Variants in ZNF517 observed in about 807,000 individuals in gnomAD.
The protein encoded by ZNF517 is zinc finger protein 517.
Under a neutral mutation model 12.1 loss-of-function variants are expected in ZNF517, and 12 were observed. That is an observed-to-expected ratio of 0.99 (90% CI 0.63 to 1.61). ZNF517 has a LOEUF of 1.61. Among genes scored for constraint, ZNF517 ranks in the 40% most tolerant of loss-of-function variants. The pLI is 0.00. For missense variants in ZNF517, 781 were observed against 693.2 expected (o/e 1.13, Z -1.42); for synonymous variants, 388 against 310.2 (o/e 1.25, Z -2.63).
chr8:144,800,779 G>A, intron 1 of ZNF517: 1 of 778,502 alleles, frequency 1.3e-6, no homozygotes, highest in Non-Finnish European at 1.6e-6. Context: ...AAAGGGCTCT[G>A]CTGCCAAATG....
chr8:144,800,268 C>T (rs1335738298), intron 1 of ZNF517, among the ~76,000 whole-genome samples: 2 of 152,180 alleles, frequency 1.3e-5, no homozygotes, highest in Non-Finnish European at 2.9e-5. Flanking sequence ...GTCATCATAT[C>T]ACTGCTCCAT....
rs2130464029 is a variant in ZNF517 at position 144,808,458 on chromosome 8, G to A, written c.*63G>A. 5 of 1,421,412 alleles carry A rather than the reference G, an allele frequency of 3.5e-6. No homozygotes were observed. The highest frequency in any genetic ancestry group is 4.6e-6 in the Non-Finnish European group (5 of 1,087,734). 88.0% of individuals were successfully genotyped at this position (1,421,412 alleles called of 1,614,324 possible). A position where few individuals can be genotyped will look rare whatever the true frequency, so the allele number is the denominator to read the frequency against. ...CCACCCAAGCCGGCGGGGCCCTAGCGCAGAAATTCAGAACCCCCTGTCCTG... is the reference window on the plus strand; with the variant it reads ...CCACCCAAGCCGGCGGGGCCCTAGCACAGAAATTCAGAACCCCCTGTCCTG... On this transcript the variant is annotated 3_prime_UTR_variant, in exon 5 of 5. Coordinates refer to ENST00000359971, the MANE Select transcript of ZNF517 (RefSeq NM_213605.3).
intron 4 of ZNF517, among the ~76,000 whole-genome samples, chr8:144,805,660 C>G (rs1291352781): frequency 7.6e-6 from 1 of 131,458 alleles, no homozygotes; most frequent in Non-Finnish European, 1.6e-5. Flanking sequence ...GAGTCTCGCA[C>G]TTTGGCCCAG....
chr8:144,800,587 G>C, intron 1 of ZNF517: 2 of 985,332 alleles, frequency 2.0e-6, no homozygotes, highest in Non-Finnish European at 1.2e-6. Flanking sequence ...CAACACGTGT[G>C]GCCATCGCAG....
Position 144,808,656 on chromosome 8 carries a change from G to C in ZNF517, c.*261G>C. ...CGGAAATGTCCAGGAGCGGGCAGAA[G>C]GGAGAGAGGGAGGGGCAGCTATGCT... On this transcript the variant is annotated 3_prime_UTR_variant, in exon 5 of 5. Transcript: ENST00000359971. The C allele has an allele frequency of 2.5e-6, 1 of 396,212 alleles. No homozygotes were observed. Among genetic ancestry groups the C allele is most frequent in the East Asian group, 4.2e-5 (1 of 23,716 alleles). 24.5% of individuals were successfully genotyped at this position (396,212 alleles called of 1,614,324 possible). A position where few individuals can be genotyped will look rare whatever the true frequency, so the allele number is the denominator to read the frequency against.
intron 1 of ZNF517, among the ~76,000 whole-genome samples, chr8:144,800,025 C>T (rs532644824): frequency 2.6e-5 from 4 of 152,330 alleles, no homozygotes; most frequent in East Asian, 3.9e-4. Context: ...TGAGGAGAAA[C>T]TCCCAGGCGG....
At chr8:144,802,765 G>C in intron 1 of ZNF517, 105 bp from the exon 2 acceptor site, 1 of 1,525,088 alleles carries the variant, frequency 6.6e-7, no homozygotes, top group South Asian at 1.3e-5. Context: ...GATTGCCCTA[G>C]CACTTTACCC....
intron 2 of ZNF517, 187 bp downstream of exon 2, chr8:144,803,134 G>T (rs1827049675): frequency 1.3e-6 from 1 of 752,030 alleles, no homozygotes; most frequent in African/African-American, 1.8e-5. Flanking sequence ...AATCCTTCCA[G>T]CCTTTGGGCA....
At chr8:144,807,137 C>A (rs1346728137) in intron 4 of ZNF517, 54 bp from the exon 5 acceptor site, 21 of 1,500,532 alleles carry the variant, frequency 1.4e-5, no homozygotes, top group South Asian at 4.1e-5. Flanking sequence ...ACAAGAAGTT[C>A]GTTTGTGAGT....
At chr8:144,802,636 AATGGTGGTC>A in intron 1 of ZNF517, 1 of 431,866 alleles carries the variant, frequency 2.3e-6, no homozygotes, top group Non-Finnish European at 3.1e-6. Flanking sequence ...CAGTTTAAAA[AATGGTGGTC>A]ACAGAAGGCC....
chr8:144,802,619 G>T (rs113812027), intron 1 of ZNF517, among the ~76,000 whole-genome samples: 6,006 of 152,274 alleles, frequency 0.039, 360 homozygotes, highest in African/African-American at 0.13. Flanking sequence ...GGCAGGAGGG[G>T]AGGTGGCAGT....
At chr8:144,801,877 T>C (rs932805292) in intron 1 of ZNF517, among the ~76,000 whole-genome samples, 7 of 151,782 alleles carry the variant, frequency 4.6e-5, no homozygotes, top group African/African-American at 7.3e-5. Context: ...ATAAAAACTT[T>C]TAAAAATTAG....
intron 1 of ZNF517, among the ~76,000 whole-genome samples, chr8:144,801,658 T>C (rs1826967805): frequency 6.6e-6 from 1 of 152,176 alleles, no homozygotes; most frequent in Non-Finnish European, 1.5e-5. Context: ...TTTGTATTTT[T>C]AGTGGAGATG....
chr8:144,810,638 G>A (rs1341010603), downstream of ZNF517: 3 of 177,190 alleles, frequency 1.7e-5, no homozygotes, highest in Admixed American at 1.3e-4. Context: ...ACCTGGGGCA[G>A]CTGCCCACAT....
rs746664750 is a variant in ZNF517 at position 144,807,755 on chromosome 8, A to C, written c.839A>C (p.Gln280Pro). The stretch of plus-strand genomic sequence containing the variant: ...CGCAGCTCCCGGCTGCTGCAGCACC[A>C]GAAGTTCCACACCGGGGAGAAGCCC... ...FSRSSRLLQHQKFHTGEKPFA... is the reference protein window; with the variant it reads ...FSRSSRLLQHPKFHTGEKPFA... The change falls in exon 5 of 5, where the codon CAG becomes CCG. Residue 280 changes from glutamine to proline, a missense_variant. Gln to Pro is a moderately conservative substitution (Grantham distance 76, BLOSUM62 -1). Transcript: ENST00000359971. 1.5e-5 allele frequency: 24 copies of C among 1,612,400 alleles called. No individual in the cohort carries two copies. In the South Asian group the frequency reaches 2.6e-4, roughly 18 times the overall value.
rs1827318668 is a variant in ZNF517, at chr8:144,807,654, G to A, written c.738G>A (p.Thr246=). Residue 246 remains threonine, a synonymous_variant, in exon 5 of 5, where the codon ACG becomes ACA. Transcript: ENST00000359971. ...GCGGGAAGGCCTTCCGGCAGAGCAC[G>A]CAGCTGGCTGCCCACCACCGCGTCC... is the stretch of plus-strand genomic sequence containing the variant. ...GECGKAFRQS[T]QLAAHHRVHT... is the part of the protein sequence containing the mutation. 3.1e-6 allele frequency: 5 copies of A among 1,607,630 alleles called. No individual in the cohort carries two copies. The highest frequency in any genetic ancestry group is 1.3e-5 in the African/African-American group (1 of 74,180).
At chr8:144,800,764 T>C in intron 1 of ZNF517, 1 of 903,018 alleles carries the variant, frequency 1.1e-6, no homozygotes, top group Non-Finnish European at 1.3e-6. Context: ...TACCCTAACA[T>C]GTCAAAAGGG....
chr8:144,800,696 G>A, intron 1 of ZNF517: 1 of 985,322 alleles, frequency 1.0e-6, no homozygotes, highest in Non-Finnish European at 1.2e-6. Context: ...TTTGCAGTCT[G>A]TGCCCTCTGT....
rs776475608 is a variant in ZNF517, at chr8:144,807,632, G to C, written c.716G>C (p.Gly239Ala). Residue 239 changes from glycine to alanine, a missense_variant, in exon 5 of 5, where the codon GGG (glycine) becomes GCG (alanine). Physicochemically the swap from Gly to Ala is moderately conservative, Grantham distance 60. Coordinates refer to ENST00000359971, the MANE Select transcript of ZNF517 (RefSeq NM_213605.3). ...AAGCCGTTCCAGTGCGGCGAGTGCG[G>C]GAAGGCCTTCCGGCAGAGCACGCAG... ...EEKPFQCGEC[G>A]KAFRQSTQLA... 1 of 1,610,248 alleles carries C rather than the reference G, an allele frequency of 6.2e-7. No individual in the cohort carries two copies. Among genetic ancestry groups the C allele is most frequent in the Non-Finnish European group, 8.5e-7 (1 of 1,179,194 alleles).
Sources: allele counts gnomAD v4.1 joint callset (sites outside exome capture counted in the v4.1 genomes callset), GRCh38; gene constraint gnomAD v4.1.1; transcripts MANE v1.5; gene names NCBI Gene and HGNC (gene_info 2026-07-23, HGNC 2026-07-21).